Variants in C18orf32 observed in about 807,000 individuals in gnomAD.
The protein encoded by C18orf32 is chromosome 18 open reading frame 32.
A neutral mutation model predicts 7.4 loss-of-function variants in C18orf32; 5 were observed. That is an observed-to-expected ratio of 0.68 (90% confidence interval 0.35 to 1.42). The LOEUF is 1.42. Among genes scored for constraint, C18orf32 ranks in the 40% most tolerant of loss-of-function variants. C18orf32 has a pLI of 0.04. For missense variants in C18orf32, 88 were observed against 92.4 expected (o/e 0.95, Z 0.19); for synonymous variants, 30 against 29.3 (o/e 1.02, Z -0.08).
intron 1 of C18orf32, among the ~76,000 whole-genome samples, chr18:49,484,165 T>TACACACAC (rs1294205830): frequency 2.3e-5 from 2 of 88,080 alleles, no homozygotes; most frequent in African/African-American, 8.8e-5. Context: ...TATATATATA[T>TACACACAC]ATACACACAC....
intron 1 of C18orf32, among the ~76,000 whole-genome samples, chr18:49,485,748 A>T (rs1225476850): frequency 6.6e-6 from 1 of 151,810 alleles, no homozygotes; most frequent in Non-Finnish European, 1.5e-5. Context: ...CAGCCTCCTG[A>T]GTAGGTAGGA....
Position 49,484,201 on chromosome 18 carries a change from C to CACACATACAT in C18orf32, c.-23-431_-23-430insATGTATGTGT, listed in dbSNP as rs56983810. Among the ~76,000 whole-genome samples the CACACATACAT allele has an allele frequency of 8.0e-3, 945 of 117,430 alleles. 52 individuals carry two copies. Among genetic ancestry groups the CACACATACAT allele is most frequent in the Middle Eastern group, 0.023 (6 of 258 alleles). The allele number at this position is 117,430 out of a possible 152,430, so 77.0% of individuals were successfully genotyped here. ...ACACACACACACACACACACACACACGAAAGGACTATTTCTACAGTGTAGG... is the reference window on the plus strand; with the variant it reads ...ACACACACACACACACACACACACACACACATACATGAAAGGACTATTTCTACAGTGTAGG... On this transcript the variant is annotated intron_variant, in intron 1 of 2. Coordinates refer to ENST00000318240, the MANE Select transcript of C18orf32 (RefSeq NM_001035005.4).
chr18:49,486,556 G>C (rs554497869), intron 1 of C18orf32: 11 of 151,716 alleles, frequency 7.3e-5, no homozygotes, highest in Non-Finnish European at 1.6e-4. Context: ...TATGGAAACT[G>C]GGTCAGAAAA....
intron 1 of C18orf32, among the ~76,000 whole-genome samples, chr18:49,485,212 C>A (rs868090550): frequency 1.3e-5 from 2 of 152,278 alleles, no homozygotes; most frequent in African/African-American, 4.8e-5. Flanking sequence ...CATAGAGAAT[C>A]AAATCTGAAT....
At chr18:49,485,723 G>A (rs966008302) in intron 1 of C18orf32, among the ~76,000 whole-genome samples, 4 of 151,546 alleles carry the variant, frequency 2.6e-5, no homozygotes, top group Non-Finnish European at 4.4e-5. Flanking sequence ...CCAGAATCAA[G>A]CTATCCCCCT....
chr18:49,486,443 C>A (rs1410722823), intron 1 of C18orf32: 1 of 152,130 alleles, frequency 6.6e-6, no homozygotes, highest in Non-Finnish European at 1.5e-5. Context: ...GCCACAATTA[C>A]GGCTTTTAAG....
chr18:49,479,918 A>C lies in C18orf32; in HGVS notation c.*2427T>G, dbSNP rs1368603564. 1 of 152,338 alleles carries C rather than the reference A, an allele frequency of 6.6e-6. No individual in the cohort carries two copies. The highest frequency in any genetic ancestry group is 1.5e-5 in the Non-Finnish European group (1 of 68,108). 9.4% of individuals were successfully genotyped at this position (152,338 alleles called of 1,614,324 possible). A position where few individuals can be genotyped will look rare whatever the true frequency, so the allele number is the denominator to read the frequency against. On this transcript the variant is annotated 3_prime_UTR_variant, in exon 3 of 3. Transcript: ENST00000318240. ...CACACTCATGCTATGAACACTGATG[A>C]TGTAAGCAAAATTTACAAAAGCACT...
At chr18:49,483,439 C>T in intron 2 of C18orf32, 145 bp downstream of exon 2, 2 of 1,033,190 alleles carry the variant, frequency 1.9e-6, no homozygotes, top group Non-Finnish European at 1.4e-6. Context: ...TAATCAGAGG[C>T]CTACTTTAAA....
At position 49,482,289 on chromosome 18, in the gene C18orf32, T is replaced by A. The variant is rs1051059903; in HGVS notation, c.*56A>T. ...AGGTCAGAGACAATTACAAGGAAGA[T>A]GCTTCATATTATCAGGTCCATTTTT... On this transcript the variant is annotated 3_prime_UTR_variant, in exon 3 of 3. Transcript: ENST00000318240. 1 of 1,200,162 alleles carries A rather than the reference T, an allele frequency of 8.3e-7. No individual in the cohort carries two copies. Among genetic ancestry groups the A allele is most frequent in the Non-Finnish European group, 1.2e-6 (1 of 805,216 alleles). 74.3% of individuals were successfully genotyped at this position (1,200,162 alleles called of 1,614,324 possible). A position where few individuals can be genotyped will look rare whatever the true frequency, so the allele number is the denominator to read the frequency against.
At chr18:49,485,814 G>A (rs12605303) in intron 1 of C18orf32, 8,409 of 152,090 alleles carry the variant, frequency 0.055, 272 homozygotes, top group South Asian at 0.099. Context: ...TAGAGATGAG[G>A]TCTCACTGTG....
intron 1 of C18orf32, among the ~76,000 whole-genome samples, chr18:49,484,167 T>TACACACACAC (rs72071720): frequency 1.2e-4 from 11 of 93,866 alleles, no homozygotes; most frequent in Non-Finnish European, 8.0e-5. Context: ...TATATATATA[T>TACACACACAC]ACACACACAC....
In C18orf32 at chr18:49,477,819, C is replaced by CTA. The variant is rs199703587; in HGVS notation, c.*4524_*4525dup. ...ACAAAAATATATATATATACACACA[C>CTA]TATATATATATACACATATATATAT... On this transcript the variant is annotated 3_prime_UTR_variant, in exon 3 of 3. Transcript: ENST00000318240. The CTA allele has an allele frequency of 0.082, 8,059 of 97,706 alleles. 512 individuals carry two copies. Among genetic ancestry groups the CTA allele is most frequent in the South Asian group, 0.15 (459 of 3,064 alleles). The allele number at this position is 97,706 out of a possible 1,614,324, so 6.1% of individuals were successfully genotyped here.
rs1462331654 is a variant in C18orf32 at position 49,482,348 on chromosome 18, GTCTT to G, written c.224_227del (p.Lys75ThrfsTer12). 2.5e-6 allele frequency: 4 copies of G among 1,609,864 alleles called. No individual in the cohort carries two copies. Among genetic ancestry groups the G allele is most frequent in the Non-Finnish European group, 3.4e-6 (4 of 1,176,640 alleles). ...GGGGTCCTTTAGGAAAATTTCTTTA[GTCTT>G]TCTTTTTATCACAGATTTCTGTTGG... On this transcript the variant is annotated frameshift_variant, in exon 3 of 3. Coordinates refer to ENST00000318240, the MANE Select transcript of C18orf32 (RefSeq NM_001035005.4). LOFTEE classifies it high-confidence loss of function.
At chr18:49,485,475 A>G (rs1175044761) in intron 1 of C18orf32, among the ~76,000 whole-genome samples, 1 of 151,986 alleles carries the variant, frequency 6.6e-6, no homozygotes, top group Non-Finnish European at 1.5e-5. Flanking sequence ...AATTGCTTGA[A>G]CCTGGGAGGC....
chr18:49,477,785 A>AACAC lies in C18orf32; in HGVS notation c.*4559_*4560insGTGT. The AACAC allele has an allele frequency of 9.8e-6, 1 of 102,048 alleles. No individual in the cohort carries two copies. The highest frequency in any genetic ancestry group is 4.5e-5 in the African/African-American group (1 of 22,128). 6.3% of individuals were successfully genotyped at this position (102,048 alleles called of 1,614,324 possible). A position where few individuals can be genotyped will look rare whatever the true frequency, so the allele number is the denominator to read the frequency against. On this transcript the variant is annotated 3_prime_UTR_variant, in exon 3 of 3. Coordinates refer to ENST00000318240, the MANE Select transcript of C18orf32 (RefSeq NM_001035005.4). ...AGCGAAACTCCATCTTCCAAAAACA[A>AACAC]ACAAACAAACAAAAATATATATATA...
rs967371856 is a variant in C18orf32 at position 49,478,430 on chromosome 18, A to C, written c.*3915T>G. 1 of 149,842 alleles carries C rather than the reference A, an allele frequency of 6.7e-6. No individual in the cohort carries two copies. Among genetic ancestry groups the C allele is most frequent in the Non-Finnish European group, 1.5e-5 (1 of 68,050 alleles). 9.3% of individuals were successfully genotyped at this position (149,842 alleles called of 1,614,324 possible). A position where few individuals can be genotyped will look rare whatever the true frequency, so the allele number is the denominator to read the frequency against. Reference sequence around the variant, plus strand: ...AGGTGTGTACCACTATGCCCGACTAATTTTTGTATTTTTAGTAGAGACAGG... The same window carrying C: ...AGGTGTGTACCACTATGCCCGACTACTTTTTGTATTTTTAGTAGAGACAGG... On this transcript the variant is annotated 3_prime_UTR_variant, in exon 3 of 3. Coordinates refer to ENST00000318240, the MANE Select transcript of C18orf32 (RefSeq NM_001035005.4).
At chr18:49,486,892 T>A (rs1156847144) in intron 1 of C18orf32, among the ~76,000 whole-genome samples, 151 bp downstream of exon 1, 1 of 149,906 alleles carries the variant, frequency 6.7e-6, no homozygotes, top group Non-Finnish European at 1.5e-5. Flanking sequence ...GTGAAACCGA[T>A]ACTTGGCCAC....
intron 1 of C18orf32, among the ~76,000 whole-genome samples, chr18:49,485,320 C>T (rs775356130): frequency 3.3e-5 from 5 of 151,890 alleles, no homozygotes; most frequent in African/African-American, 9.7e-5. Context: ...CTTGGGAGGC[C>T]GAGGGGGTGG....
chr18:49,486,409 G>A (rs1041494290), intron 1 of C18orf32: 1 of 152,106 alleles, frequency 6.6e-6, no homozygotes, highest in African/African-American at 2.4e-5. Context: ...AAACTCTCGA[G>A]GACAAATACT....
Sources: gnomAD v4.1 joint callset for allele counts (sites outside exome capture counted in the v4.1 genomes callset) on GRCh38, gnomAD v4.1.1 for gene constraint, MANE v1.5 for transcripts, NCBI Gene and HGNC (gene_info 2026-07-23, HGNC 2026-07-21) for gene names.